The following CTIF variants were observed in gnomAD, a reference collection of about 807,000 sequenced individuals.
CTIF encodes the protein CBP80/20-dependent translation initiation factor.
CTIF carries 21 observed loss-of-function variants against 66.0 expected under a neutral mutation model. The observed-to-expected ratio is 0.32, with a 90% confidence interval of 0.23 to 0.46. The LOEUF (loss-of-function observed/expected upper bound fraction) is 0.46, where lower values mean the gene tolerates loss of function less well. Ranked by LOEUF, CTIF falls within the 20% of genes least tolerant of loss-of-function variation. The probability of loss-of-function intolerance (pLI) is 1.00; values close to 1 mark genes in which losing one functional copy is unlikely to be tolerated. For missense variants in CTIF, 739 were observed against 812.7 expected, an observed-to-expected ratio of 0.91 and a Z score of 1.10; for synonymous variants, 345 against 326.4, an observed-to-expected ratio of 1.06 and a Z score of -0.62.
rs1356701124 is a variant in CTIF, at chr18:48,761,409, C to T, written c.1091C>T (p.Thr364Met). Residue 364 changes from threonine (T) to methionine (M), a missense_variant, in exon 9 of 12, where the codon ACG becomes ATG. Around this residue, in one of 2 missense-constraint regions of CTIF, gnomAD observed 529 missense variants for 520.3 expected, o/e 1.02. Transcript: ENST00000256413. The surrounding 1 kb of genome is among the most constrained non-coding windows in gnomAD (Gnocchi z 4.2). ...CCCCAGGATGAAGTGGCCGTGGAGACGACCACTCCCCAGCAGAACAAGATG... is the reference window on the plus strand; with the variant it reads ...CCCCAGGATGAAGTGGCCGTGGAGATGACCACTCCCCAGCAGAACAAGATG... ...LKEKDEVAVETTTPQQNKMDK... is the reference protein window; with the variant it reads ...LKEKDEVAVEMTTPQQNKMDK... 15 of 1,613,278 alleles carry T rather than the reference C, an allele frequency of 9.3e-6. No individual in the cohort carries two copies. Among genetic ancestry groups the T allele is most frequent in the East Asian group, 2.2e-5 (1 of 44,876 alleles).
chr18:48,689,904 C>G (rs1024488672), intron 6 of CTIF, among the ~76,000 whole-genome samples: 1 of 152,200 alleles, frequency 6.6e-6, no homozygotes, highest in Admixed American at 6.5e-5. Context: ...GGCTGAGCCC[C>G]TCTGCCCTAA....
intron 7 of CTIF, among the ~76,000 whole-genome samples, chr18:48,746,935 C>T (rs2092601268): frequency 6.6e-6 from 1 of 152,136 alleles, no homozygotes; most frequent in African/African-American, 2.4e-5. Flanking sequence ...TCCCTAACCT[C>T]ACCCCGAGAA....
At chr18:48,549,788 T>C (rs1409533815) in intron 1 of CTIF, among the ~76,000 whole-genome samples, 1 of 152,180 alleles carries the variant, frequency 6.6e-6, no homozygotes, top group Non-Finnish European at 1.5e-5. Context: ...AGAAAGCAAG[T>C]CCCTGGTGCT....
intron 7 of CTIF, among the ~76,000 whole-genome samples, chr18:48,735,669 A>G (rs2092494929): frequency 6.6e-6 from 1 of 152,234 alleles, no homozygotes; most frequent in African/African-American, 2.4e-5. Flanking sequence ...CTTGAGTCCC[A>G]GAGCCCAGTT....
intron 8 of CTIF, among the ~76,000 whole-genome samples, chr18:48,760,025 T>C (rs1465280204): frequency 1.3e-5 from 2 of 152,136 alleles, no homozygotes; most frequent in East Asian, 1.9e-4. Flanking sequence ...TTTCCTTCTC[T>C]CTTTCAAGAG....
intron 1 of CTIF, among the ~76,000 whole-genome samples, chr18:48,546,045 G>A (rs1204334406): frequency 6.6e-6 from 1 of 152,148 alleles, no homozygotes. Context: ...CCCTGTCCCA[G>A]CCCCTTGGAG....
intron 3 of CTIF, among the ~76,000 whole-genome samples, chr18:48,646,926 C>T (rs200067652): frequency 8.4e-5 from 6 of 71,112 alleles, no homozygotes; most frequent in Middle Eastern, 9.3e-3. Context: ...AAAAAAAAAA[C>T]GAAACCTGCA....
intron 6 of CTIF, among the ~76,000 whole-genome samples, chr18:48,689,615 T>G (rs913587243): frequency 7.2e-5 from 11 of 152,302 alleles, no homozygotes; most frequent in African/African-American, 2.6e-4. Flanking sequence ...GAAAGGAGCC[T>G]TCATGGTTGT....
chr18:48,814,967 C>A (rs1404311304), intron 9 of CTIF, among the ~76,000 whole-genome samples: 1 of 152,152 alleles, frequency 6.6e-6, no homozygotes, highest in Non-Finnish European at 1.5e-5. Context: ...CCCATGAGGT[C>A]TGCAGGCATG....
At chr18:48,701,041 A>G (rs990016896) in intron 6 of CTIF, among the ~76,000 whole-genome samples, 15 of 152,170 alleles carry the variant, frequency 9.9e-5, no homozygotes, top group African/African-American at 3.6e-4. Context: ...CCAGAACGCA[A>G]ACATTGCTTT....
chr18:48,749,812 A>G (rs928681041), intron 7 of CTIF, among the ~76,000 whole-genome samples: 1 of 152,208 alleles, frequency 6.6e-6, no homozygotes, highest in Non-Finnish European at 1.5e-5. Context: ...ACTTCAAACT[A>G]CCACGAACTA....
chr18:48,825,490 C>G (rs1414725623), intron 10 of CTIF, among the ~76,000 whole-genome samples: 1 of 152,182 alleles, frequency 6.6e-6, no homozygotes, highest in Non-Finnish European at 1.5e-5. Flanking sequence ...AGTGTGCATT[C>G]AATTGCTCAC....
intron 6 of CTIF, among the ~76,000 whole-genome samples, chr18:48,699,755 C>T (rs1359909755): frequency 6.6e-6 from 1 of 152,180 alleles, no homozygotes; most frequent in Non-Finnish European, 1.5e-5. Context: ...TCGTAACGGT[C>T]CTCTGATATG....
At chr18:48,817,194 C>T (rs772607720) in intron 9 of CTIF, 27 bp from the exon 10 acceptor site, 1 of 1,606,250 alleles carries the variant, frequency 6.2e-7, no homozygotes, top group East Asian at 2.2e-5. Flanking sequence ...CCCCGGGAGG[C>T]TGACGCGGTC....
At chr18:48,635,187 G>A (rs1218335963) in intron 2 of CTIF, among the ~76,000 whole-genome samples, 1 of 152,188 alleles carries the variant, frequency 6.6e-6, no homozygotes, top group East Asian at 1.9e-4. Context: ...GCCATGCTCA[G>A]GAGGGCATGT....
In CTIF at chr18:48,637,848, C is replaced by T. The variant is rs546423023; in HGVS notation, c.252+1163C>T. ...ACCTGGAGTCTCGTTTTTGTTCTGC[C>T]GCAAACTTGGTGGCAAACTCTTCCT... On this transcript the variant is annotated intron_variant, in intron 3 of 11. Transcript: ENST00000256413. Among the ~76,000 whole-genome samples the T allele has an allele frequency of 2.6e-5, 4 of 152,174 alleles. No homozygotes were observed. The South Asian group carries it at 6.2e-4, about 24-fold the overall frequency.
At chr18:48,742,738 C>A (rs1310200879) in intron 7 of CTIF, among the ~76,000 whole-genome samples, 1 of 152,220 alleles carries the variant, frequency 6.6e-6, no homozygotes, top group East Asian at 1.9e-4. Context: ...TGCCCAGGGG[C>A]CCATGCTAGA....
chr18:48,750,114 G>A (rs961542333), intron 7 of CTIF, among the ~76,000 whole-genome samples: 5 of 152,252 alleles, frequency 3.3e-5, no homozygotes, highest in African/African-American at 1.2e-4. Context: ...TTCCCCACAG[G>A]CTTTCCTGGG....
At chr18:48,581,669 C>T (rs1210887383) in intron 1 of CTIF, among the ~76,000 whole-genome samples, 2 of 152,150 alleles carry the variant, frequency 1.3e-5, no homozygotes, top group Non-Finnish European at 2.9e-5. Context: ...TGACCCCTTC[C>T]ACCTCATTTC....
Sources: gnomAD v4.1 joint callset for allele counts (sites outside exome capture counted in the v4.1 genomes callset) on GRCh38, gnomAD v4.1.1 for gene constraint, gnomAD v4.1.1 regional missense constraint, Gnocchi (gnomAD v3.1) non-coding constraint, MANE v1.5 for transcripts, NCBI Gene and HGNC (gene_info 2026-07-23, HGNC 2026-07-21) for gene names.